Variants in CAMK2D observed in about 807,000 individuals in gnomAD.
CAMK2D encodes calcium/calmodulin-dependent protein kinase type II subunit delta.
Under a neutral mutation model 84.0 loss-of-function variants are expected in CAMK2D, and 37 were observed. That is an observed-to-expected ratio of 0.44 (90% CI 0.34 to 0.58). The LOEUF is 0.58. Among genes scored for constraint, CAMK2D ranks in the 20% least tolerant of loss-of-function variants. CAMK2D has a pLI of 0.02. For missense variants in CAMK2D, 448 were observed against 652.5 expected (o/e 0.69, Z 3.41); for synonymous variants, 202 against 212.5 (o/e 0.95, Z 0.43).
rs547043534 is a variant in CAMK2D, at chr4:113,499,920, T to G, written c.1135+543A>C. On this transcript the variant is annotated intron_variant, in intron 16 of 20. Transcript: ENST00000511664. ...AGAAACACTACCAATGACTCATACATGTAGCTAAAAGAACCTTGGCAACCA... is the reference window on the plus strand; with the variant it reads ...AGAAACACTACCAATGACTCATACAGGTAGCTAAAAGAACCTTGGCAACCA... Among the ~76,000 whole-genome samples, 12 of 152,246 alleles carry G rather than the reference T, an allele frequency of 7.9e-5. No homozygotes were observed. In the South Asian group the frequency reaches 1.2e-3, roughly 16 times the overall value.
intron 8 of CAMK2D, among the ~76,000 whole-genome samples, chr4:113,521,591 A>T (rs1423891360): frequency 6.6e-6 from 1 of 152,168 alleles, no homozygotes; most frequent in Non-Finnish European, 1.5e-5. Context: ...AAATAAGGAG[A>T]CAGAAGAGAG....
chr4:113,758,357 C>T (rs936994125), intron 2 of CAMK2D, among the ~76,000 whole-genome samples: 1 of 152,034 alleles, frequency 6.6e-6, no homozygotes, highest in African/African-American at 2.4e-5. Context: ...TATGGAAAAA[C>T]TAATCATGGC....
intron 16 of CAMK2D, among the ~76,000 whole-genome samples, chr4:113,497,982 G>T (rs1465687104): frequency 6.6e-6 from 1 of 152,212 alleles, no homozygotes; most frequent in Admixed American, 6.5e-5. Flanking sequence ...GTGTGTGGAA[G>T]ACACAGTTTT....
chr4:113,651,230 A>T (rs1459340710), intron 3 of CAMK2D, among the ~76,000 whole-genome samples: 1 of 152,212 alleles, frequency 6.6e-6, no homozygotes, highest in South Asian at 2.1e-4. Flanking sequence ...TTAACAAGTT[A>T]TTTCAAACAA....
At chr4:113,481,333 C>T (rs2097698791) in intron 16 of CAMK2D, among the ~76,000 whole-genome samples, 1 of 151,952 alleles carries the variant, frequency 6.6e-6, no homozygotes, top group Admixed American at 6.6e-5. Context: ...ACAAAACAGA[C>T]AAAAATCTCT....
intron 2 of CAMK2D, among the ~76,000 whole-genome samples, chr4:113,663,194 T>C (rs2099242169): frequency 6.6e-6 from 1 of 152,206 alleles, no homozygotes; most frequent in African/African-American, 2.4e-5. Flanking sequence ...TACTTCCAAC[T>C]TATTTAGAAG....
intron 2 of CAMK2D, among the ~76,000 whole-genome samples, chr4:113,755,294 T>C (rs1398754656): frequency 6.6e-6 from 1 of 151,610 alleles, no homozygotes; most frequent in Non-Finnish European, 1.5e-5. Context: ...ACTACTAATA[T>C]CACCAATTTA....
At chr4:113,502,262 T>C (rs2098058363) in intron 15 of CAMK2D, among the ~76,000 whole-genome samples, 1 of 152,020 alleles carries the variant, frequency 6.6e-6, no homozygotes, top group Admixed American at 6.6e-5. Context: ...TTACAATGTA[T>C]AGGAAACATT....
chr4:113,611,772 CA>C (rs763367520), intron 3 of CAMK2D, among the ~76,000 whole-genome samples: 1 of 152,102 alleles, frequency 6.6e-6, no homozygotes, highest in Non-Finnish European at 1.5e-5. Context: ...ACACATGATA[CA>C]AAAGCACTTA....
chr4:113,741,993 C>A (rs2148930970), intron 2 of CAMK2D, among the ~76,000 whole-genome samples: 2 of 152,298 alleles, frequency 1.3e-5, no homozygotes, highest in East Asian at 1.9e-4. Context: ...CCAATGAGGT[C>A]ATTATCTAAT....
chr4:113,510,213 T>C (rs1490664560), intron 12 of CAMK2D, among the ~76,000 whole-genome samples: 4 of 152,220 alleles, frequency 2.6e-5, no homozygotes, highest in Non-Finnish European at 5.9e-5. Flanking sequence ...AAAATATTAC[T>C]ATTTAAATAA....
intron 4 of CAMK2D, among the ~76,000 whole-genome samples, chr4:113,559,819 G>T (rs989290914): frequency 7.0e-5 from 10 of 143,184 alleles, no homozygotes; most frequent in African/African-American, 2.3e-4. Context: ...GAAAGCTACT[G>T]TAGATAATGG....
intron 4 of CAMK2D, among the ~76,000 whole-genome samples, chr4:113,590,740 T>C (rs531570493): frequency 2.4e-5 from 2 of 84,250 alleles, no homozygotes; most frequent in South Asian, 7.5e-4. Flanking sequence ...TTTCATATAT[T>C]CTTTAAAACA....
intron 2 of CAMK2D, among the ~76,000 whole-genome samples, chr4:113,724,707 G>A (rs2099540775): frequency 1.3e-5 from 2 of 151,650 alleles, no homozygotes; most frequent in African/African-American, 4.8e-5. Context: ...TTTGTATTTT[G>A]TTCTTTATAA....
At chr4:113,755,871 A>G (rs925524554) in intron 2 of CAMK2D, among the ~76,000 whole-genome samples, 17 of 152,122 alleles carry the variant, frequency 1.1e-4, no homozygotes, top group Non-Finnish European at 2.2e-4. Context: ...CAAAAATTCT[A>G]TTATCACTAT....
intron 4 of CAMK2D, among the ~76,000 whole-genome samples, chr4:113,592,042 A>C (rs775699997): frequency 1.2e-4 from 18 of 152,188 alleles, no homozygotes; most frequent in Non-Finnish European, 2.4e-4. Flanking sequence ...GTACTTAATA[A>C]GTATTCATTG....
intron 4 of CAMK2D, among the ~76,000 whole-genome samples, chr4:113,561,310 T>C (rs975500344): frequency 2.0e-5 from 3 of 152,112 alleles, no homozygotes; most frequent in Admixed American, 6.5e-5. Flanking sequence ...CCCGTATCTA[T>C]AAAAAATTTA....
chr4:113,532,119 C>G (rs1486066996), intron 7 of CAMK2D, among the ~76,000 whole-genome samples: 3 of 152,016 alleles, frequency 2.0e-5, no homozygotes, highest in Non-Finnish European at 4.4e-5. Flanking sequence ...TATTGAAATG[C>G]AAAGTGTCCA....
chr4:113,632,160 T>C (rs969020072), intron 3 of CAMK2D, among the ~76,000 whole-genome samples: 1 of 152,180 alleles, frequency 6.6e-6, no homozygotes, highest in Non-Finnish European at 1.5e-5. Context: ...ATTCTCCAAA[T>C]CCAAAACAAT....
Sources: allele counts gnomAD v4.1 joint callset (sites outside exome capture counted in the v4.1 genomes callset), GRCh38; gene constraint gnomAD v4.1.1; transcripts MANE v1.5; gene names NCBI Gene and HGNC (gene_info 2026-07-23, HGNC 2026-07-21).